PRDM16: variants seen among roughly 807,000 people sequenced by gnomAD.
PRDM16 encodes histone-lysine N-methyltransferase PRDM16.
Under a neutral mutation model 110.6 loss-of-function variants are expected in PRDM16, and 23 were observed. That is an observed-to-expected ratio of 0.21 (90% CI 0.15 to 0.29). PRDM16 has a LOEUF of 0.29. Among genes scored for constraint, PRDM16 ranks in the 10% least tolerant of loss-of-function variants. PRDM16 has a pLI of 1.00. For synonymous variants in PRDM16, 799 were observed against 781.8 expected, an observed-to-expected ratio of 1.02 and a Z score of -0.37; for missense variants, 1,615 against 1,794.3, an observed-to-expected ratio of 0.90 and a Z score of 1.81.
rs750535149 is a variant in PRDM16 at position 3,186,180 on chromosome 1, C to G, written c.93C>G (p.Ser31Arg). ...AGCCCAACCGGGACCTGCTGGCCAG[C>G]CACAGCGCGGAGGACGAGGCCGAGG... ...MYEPNRDLLA[S>R]HSAEDEAEDS... The change falls in exon 2 of 17, where the codon AGC (serine) becomes AGG (arginine). Residue 31 changes from serine to arginine, a missense_variant. By Grantham distance (110) the Ser-to-Arg change is moderately radical. This residue lies in a region of PRDM16 where 416 missense variants were observed against 467.1 expected (regional missense o/e 0.89). Coordinates refer to ENST00000270722, the MANE Select transcript of PRDM16 (RefSeq NM_022114.4). 6.2e-7 allele frequency: 1 copy of G among 1,612,872 alleles called. No individual in the cohort carries two copies. Among genetic ancestry groups the G allele is most frequent in the Admixed American group, 1.7e-5 (1 of 60,028 alleles).
intron 3 of PRDM16, among the ~76,000 whole-genome samples, chr1:3,301,350 GAAA>G (rs774850084): frequency 2.5e-5 from 3 of 117,856 alleles, no homozygotes; most frequent in East Asian, 2.5e-4. Flanking sequence ...AAAAAAAAAA[GAAA>G]AAAAAAAAGG....
At chr1:3,223,173 G>A (rs1020307307) in intron 2 of PRDM16, among the ~76,000 whole-genome samples, 3 of 144,326 alleles carry the variant, frequency 2.1e-5, no homozygotes, top group South Asian at 2.3e-4. Flanking sequence ...GCAGTGGTGC[G>A]ATCTTGGCTC....
chr1:3,214,535 A>G lies in PRDM16; in HGVS notation c.387+28061A>G, dbSNP rs540785573. 4.6e-5 allele frequency among the ~76,000 whole-genome samples: 7 copies of G among 152,300 alleles called. No homozygotes were observed. The East Asian group carries it at 1.4e-3, about 29-fold the overall frequency. ...AATGTGGCAAAACCCTGTCTCTACT[A>G]AAAACACAAAAACTAGCTGGGTGTG... On this transcript the variant is annotated intron_variant, in intron 2 of 16. Transcript: ENST00000270722.
chr1:3,181,846 AC>A (rs1446484331), intron 1 of PRDM16, among the ~76,000 whole-genome samples: 2 of 65,694 alleles, frequency 3.0e-5, no homozygotes, highest in Admixed American at 3.6e-4. Context: ...AGTCTTACAC[AC>A]GGTCTTACAC....
At chr1:3,418,194 G>C (rs1355588835) in intron 11 of PRDM16, among the ~76,000 whole-genome samples, 197 bp downstream of exon 11, 1 of 152,248 alleles carries the variant, frequency 6.6e-6, no homozygotes, top group East Asian at 1.9e-4. Context: ...CTCACGCCAT[G>C]CTGTGCTCTT....
At chr1:3,247,948 G>A (rs1468693666) in intron 3 of PRDM16, among the ~76,000 whole-genome samples, 1 of 152,324 alleles carries the variant, frequency 6.6e-6, no homozygotes, top group African/African-American at 2.4e-5. Flanking sequence ...AAACATCTGC[G>A]GGAGATAATC....
At chr1:3,297,859 C>T (rs1329576462) in intron 3 of PRDM16, among the ~76,000 whole-genome samples, 1 of 152,176 alleles carries the variant, frequency 6.6e-6, no homozygotes, top group Non-Finnish European at 1.5e-5. Context: ...ATAGAAGCCC[C>T]AAAGGGAGGC....
At chr1:3,428,705 G>T (rs1393687755) in intron 14 of PRDM16, among the ~76,000 whole-genome samples, 11 of 152,210 alleles carry the variant, frequency 7.2e-5, no homozygotes, top group Non-Finnish European at 2.9e-5. Context: ...AGTTCTGTCA[G>T]GAGTCCTGGT....
intron 3 of PRDM16, among the ~76,000 whole-genome samples, chr1:3,294,224 G>A (rs1341903515): frequency 1.3e-5 from 2 of 152,110 alleles, no homozygotes; most frequent in African/African-American, 2.4e-5. Context: ...ATCTTGTCAG[G>A]TATAAAGAGC....
rs757661858 is a variant in PRDM16, at chr1:3,385,198, A to C, written c.485A>C (p.Gln162Pro). 1 of 1,613,624 alleles carries C rather than the reference A, an allele frequency of 6.2e-7. No individual in the cohort carries two copies. Among genetic ancestry groups the C allele is most frequent in the Non-Finnish European group, 8.5e-7 (1 of 1,180,030 alleles). Residue 162 changes from glutamine to proline, a missense_variant, in exon 4 of 17, where the codon CAG (glutamine) becomes CCG (proline). This residue lies in a region of PRDM16 where 416 missense variants were observed against 467.1 expected (regional missense o/e 0.89). Transcript: ENST00000270722. Reference protein sequence around the residue: ...GSEKFCVDANQAGAGSWLKYI... With the variant: ...GSEKFCVDANPAGAGSWLKYI... Reference sequence around the variant, plus strand: ...GAGAAGTTCTGCGTGGATGCAAATCAGGCGGGGGCTGGCAGCTGGCTCAAG... The same window carrying C: ...GAGAAGTTCTGCGTGGATGCAAATCCGGCGGGGGCTGGCAGCTGGCTCAAG...
intron 1 of PRDM16, among the ~76,000 whole-genome samples, chr1:3,134,756 A>G (rs1297872338): frequency 6.6e-6 from 1 of 152,274 alleles, no homozygotes; most frequent in African/African-American, 2.4e-5. Context: ...TTTCCAAGAC[A>G]TTAGCTGGTC....
chr1:3,321,769 G>A (rs1216699429), intron 3 of PRDM16, among the ~76,000 whole-genome samples: 2 of 151,296 alleles, frequency 1.3e-5, no homozygotes, highest in Non-Finnish European at 2.9e-5. Flanking sequence ...GTTTGTGTAT[G>A]TGTGCACGTG....
At chr1:3,357,247 C>T (rs1320392442) in intron 3 of PRDM16, among the ~76,000 whole-genome samples, 4 of 152,218 alleles carry the variant, frequency 2.6e-5, no homozygotes, top group African/African-American at 9.6e-5. Context: ...GGGCCATGAA[C>T]GGGGACCTAA....
chr1:3,137,815 T>C (rs1171501234), intron 1 of PRDM16, among the ~76,000 whole-genome samples: 1 of 152,252 alleles, frequency 6.6e-6, no homozygotes, highest in Non-Finnish European at 1.5e-5. Flanking sequence ...CACCTGCGGC[T>C]GGGACCTCGC....
chr1:3,385,686 G>A (rs542146751), intron 4 of PRDM16, among the ~76,000 whole-genome samples: 12 of 152,318 alleles, frequency 7.9e-5, no homozygotes, highest in African/African-American at 2.4e-4. Context: ...TCTAAATGGC[G>A]CTGTTTCACC....
intron 1 of PRDM16, among the ~76,000 whole-genome samples, chr1:3,074,498 G>C (rs1570200224): frequency 1.3e-5 from 2 of 152,140 alleles, no homozygotes; most frequent in South Asian, 2.1e-4. Flanking sequence ...TAGCAGGTCT[G>C]TTCTTAAAAA....
chr1:3,285,242 G>T (rs1307231986), intron 3 of PRDM16, among the ~76,000 whole-genome samples: 1 of 152,176 alleles, frequency 6.6e-6, no homozygotes, highest in Non-Finnish European at 1.5e-5. Flanking sequence ...CCAGCCCTCT[G>T]GCCCCAGCCC....
chr1:3,114,265 C>A (rs557633184), intron 1 of PRDM16, among the ~76,000 whole-genome samples: 1 of 145,078 alleles, frequency 6.9e-6, no homozygotes, highest in Non-Finnish European at 1.5e-5. Flanking sequence ...CACGCGCACA[C>A]GTACACACAC....
chr1:3,287,662 T>C (rs6687930), intron 3 of PRDM16, among the ~76,000 whole-genome samples: 9,326 of 17,804 alleles, frequency 0.52, 2,841 homozygotes, highest in East Asian at 0.95. Context: ...CCCTGCCACG[T>C]GGGCATCCAG....
Sources: gnomAD v4.1 joint callset for allele counts (sites outside exome capture counted in the v4.1 genomes callset) on GRCh38, gnomAD v4.1.1 for gene constraint, gnomAD v4.1.1 regional missense constraint, MANE v1.5 for transcripts, NCBI Gene and HGNC (gene_info 2026-07-23, HGNC 2026-07-21) for gene names.